DGKB: variants seen among roughly 807,000 people sequenced by gnomAD.
DGKB encodes diacylglycerol kinase beta.
Under a neutral mutation model 114.3 loss-of-function variants are expected in DGKB, and 67 were observed. The observed-to-expected ratio is 0.59, with a 90% CI of 0.48 to 0.72. The LOEUF (loss-of-function observed/expected upper bound fraction) is 0.72. Among genes scored for constraint, DGKB ranks in the 30% least tolerant of loss-of-function variants. The pLI is 0.00. For missense variants in DGKB, 907 were observed against 975.2 expected (o/e 0.93, Z 0.93); for synonymous variants, 398 against 323.1 (o/e 1.23, Z -2.49).
intron 25 of DGKB, among the ~76,000 whole-genome samples, chr7:14,165,358 T>C (rs1287792630): frequency 6.6e-6 from 1 of 152,180 alleles, no homozygotes; most frequent in Non-Finnish European, 1.5e-5. Flanking sequence ...AACTTACTAA[T>C]TTGTTTCCAG....
intron 20 of DGKB, among the ~76,000 whole-genome samples, chr7:14,523,636 G>A (rs1790150101): frequency 6.6e-6 from 1 of 151,884 alleles, no homozygotes; most frequent in Non-Finnish European, 1.5e-5. Flanking sequence ...ATATTATCTT[G>A]TTTGGAAATT....
At chr7:14,900,599 C>T (rs1339685822) in intron 1 of DGKB, among the ~76,000 whole-genome samples, 3 of 152,092 alleles carry the variant, frequency 2.0e-5, no homozygotes, top group African/African-American at 4.8e-5. Context: ...CAAGAAAAAG[C>T]ATCAGTCATA....
intron 20 of DGKB, among the ~76,000 whole-genome samples, chr7:14,519,291 T>G (rs948248575): frequency 6.6e-6 from 1 of 152,048 alleles, no homozygotes; most frequent in Non-Finnish European, 1.5e-5. Flanking sequence ...CTGATATAAA[T>G]TTTTTTCTGT....
chr7:14,647,037 G>C (rs1044104030), intron 13 of DGKB, among the ~76,000 whole-genome samples: 5 of 151,052 alleles, frequency 3.3e-5, no homozygotes, highest in African/African-American at 1.2e-4. Context: ...TGAAAAGTTA[G>C]TTTTCTGAAA....
intron 23 of DGKB, among the ~76,000 whole-genome samples, chr7:14,226,359 A>G (rs1790803473): frequency 6.6e-6 from 1 of 152,004 alleles, no homozygotes; most frequent in South Asian, 2.1e-4. Context: ...GATTATATGT[A>G]AGCAAAATAG....
intron 23 of DGKB, among the ~76,000 whole-genome samples, chr7:14,217,823 A>T (rs551963999): frequency 2.6e-5 from 4 of 152,230 alleles, no homozygotes; most frequent in African/African-American, 7.2e-5. Flanking sequence ...TCCTCAAGAC[A>T]GGTGACTCTC....
At chr7:14,516,875 T>C (rs758733671) in intron 20 of DGKB, among the ~76,000 whole-genome samples, 2 of 152,098 alleles carry the variant, frequency 1.3e-5, no homozygotes, top group African/African-American at 2.4e-5. Context: ...CAGATGGCCA[T>C]ACTGCCCAAA....
At chr7:14,963,212 G>C (rs1417751047) in intron 1 of DGKB, among the ~76,000 whole-genome samples, 1 of 152,048 alleles carries the variant, frequency 6.6e-6, no homozygotes, top group African/African-American at 2.4e-5. Context: ...TGGCCAAGAG[G>C]GGGGTTACTA....
At chr7:14,326,990 T>C (rs978152230) in intron 23 of DGKB, among the ~76,000 whole-genome samples, 5 of 152,302 alleles carry the variant, frequency 3.3e-5, no homozygotes, top group Admixed American at 1.3e-4. Context: ...TACTCATGTG[T>C]ACTAAAGTCT....
At position 14,971,893 on chromosome 7, in the gene DGKB, G is replaced by T. The variant is rs576897746; in HGVS notation, c.-188+2803C>A. Among the ~76,000 whole-genome samples the T allele has an allele frequency of 5.3e-5, 8 of 151,748 alleles. No homozygotes were observed. In the East Asian group the frequency reaches 7.8e-4, roughly 15 times the overall value. On this transcript the variant is annotated intron_variant, in intron 1 of 4. Transcript: ENST00000437998. Reference sequence around the variant, plus strand: ...TTCTCCTGACTCAGCATCCTGTGTAGCTGTGATTACCCGGCTAATTTCTTG... The same window carrying T: ...TTCTCCTGACTCAGCATCCTGTGTATCTGTGATTACCCGGCTAATTTCTTG...
chr7:14,193,694 A>G, intron 23 of DGKB, among the ~76,000 whole-genome samples: 1 of 152,166 alleles, frequency 6.6e-6, no homozygotes, highest in East Asian at 1.9e-4. Flanking sequence ...AAAGAGACAA[A>G]TGGAGTTTCA....
At chr7:14,844,165 T>C (rs1046686213) in intron 1 of DGKB, among the ~76,000 whole-genome samples, 1 of 152,234 alleles carries the variant, frequency 6.6e-6, no homozygotes, top group Non-Finnish European at 1.5e-5. Context: ...TGGTGAAGCA[T>C]ATAGAAAAGT....
chr7:14,660,385 C>T (rs1021098408), intron 13 of DGKB, among the ~76,000 whole-genome samples: 3 of 151,832 alleles, frequency 2.0e-5, no homozygotes, highest in Admixed American at 2.0e-4. Flanking sequence ...GGTTGGTAAG[C>T]TATTGATTAT....
intron 1 of DGKB, among the ~76,000 whole-genome samples, chr7:14,878,889 T>TAGCA (rs1853778753): frequency 6.7e-6 from 1 of 149,590 alleles, no homozygotes; most frequent in East Asian, 1.9e-4. Flanking sequence ...GCATATGTTT[T>TAGCA]AGCATATAGG....
intron 23 of DGKB, among the ~76,000 whole-genome samples, chr7:14,278,655 A>T (rs971973735): frequency 2.0e-5 from 3 of 152,176 alleles, no homozygotes; most frequent in Non-Finnish European, 4.4e-5. Context: ...TCAAACTAAA[A>T]ATGTTCTGCA....
Position 14,685,285 on chromosome 7 carries a change from G to A in DGKB, c.789C>T (p.Asn263=). 2 of 1,613,820 alleles carry A rather than the reference G, an allele frequency of 1.2e-6. No homozygotes were observed. Among genetic ancestry groups the A allele is most frequent in the Non-Finnish European group, 8.5e-7 (1 of 1,179,764 alleles). ...CCTGCTTCCCCACGCCAATCAGCAT[G>A]TTCAGGCAAAGGTTGCAATAGGCAG... The part of the protein sequence containing the change: ...NKPAYCNLCL[N]MLIGVGKQGL... The change falls in exon 10 of 26, where the codon AAC becomes AAT. Residue 263 remains asparagine, a synonymous_variant. Coordinates refer to ENST00000402815, the MANE Select transcript of DGKB (RefSeq NM_001350709.2).
intron 7 of DGKB, among the ~76,000 whole-genome samples, chr7:14,699,886 A>G (rs1327544105): frequency 3.3e-5 from 5 of 152,110 alleles, no homozygotes; most frequent in African/African-American, 9.7e-5. Flanking sequence ...ATATGCTAAC[A>G]AAAAATGGGC....
At chr7:14,359,452 C>A (rs993512973) in intron 21 of DGKB, among the ~76,000 whole-genome samples, 8 of 152,068 alleles carry the variant, frequency 5.3e-5, no homozygotes, top group African/African-American at 1.9e-4. Context: ...GCAACAAAAG[C>A]CAAAATTGAA....
intron 2 of DGKB, among the ~76,000 whole-genome samples, chr7:14,782,918 G>A (rs935073764): frequency 2.0e-5 from 3 of 151,878 alleles, no homozygotes; most frequent in Admixed American, 6.6e-5. Flanking sequence ...CTTCTGCCTC[G>A]AAATTCTGGG....
Sources: allele counts gnomAD v4.1 joint callset (sites outside exome capture counted in the v4.1 genomes callset), GRCh38; gene constraint gnomAD v4.1.1; transcripts MANE v1.5; gene names NCBI Gene and HGNC (gene_info 2026-07-23, HGNC 2026-07-21).